ENTREP2: variants seen among roughly 807,000 people sequenced by gnomAD.
ENTREP2 encodes endosomal transmembrane epsin interactor 2.
chr15:29,630,993 TTA>T, the ENTREP2 span, among the ~76,000 whole-genome samples: 2 of 152,220 alleles, frequency 1.3e-5, no homozygotes, highest in Admixed American at 1.3e-4. Context: ...TGAGTAAATT[TTA>T]TTTCTCTATT....
the ENTREP2 span, chr15:29,233,705 T>G: frequency 4.0e-6 from 5 of 1,263,592 alleles, no homozygotes; most frequent in South Asian, 6.0e-5. Context: ...CGCACTCTGT[T>G]GCTCATCAAG....
the ENTREP2 span, chr15:29,123,384 G>A: frequency 5.8e-6 from 9 of 1,545,268 alleles, no homozygotes; most frequent in South Asian, 9.5e-5. Context: ...CCTCCTCCTC[G>A]AGGCGCTCCT....
chr15:29,493,125 CTTTTTTTTTTTT>C, the ENTREP2 span, among the ~76,000 whole-genome samples: 1 of 84,774 alleles, frequency 1.2e-5, no homozygotes. Flanking sequence ...CCTGACAACC[CTTTTTTTTTTTT>C]TTTTTTTTTT....
At chr15:29,548,442 G>A in the ENTREP2 span, among the ~76,000 whole-genome samples, 8 of 108,744 alleles carry the variant, frequency 7.4e-5, no homozygotes, top group African/African-American at 2.2e-4. Flanking sequence ...GCAAGAGAGC[G>A]AGATTCTGCC....
At chr15:29,279,338 A>C in the ENTREP2 span, among the ~76,000 whole-genome samples, 1 of 151,502 alleles carries the variant, frequency 6.6e-6, no homozygotes, top group Non-Finnish European at 1.5e-5. Context: ...TTTGAGAATC[A>C]GCTTGTTTAT....
chr15:29,534,189 G>A, the ENTREP2 span, among the ~76,000 whole-genome samples: 1 of 151,524 alleles, frequency 6.6e-6, no homozygotes, highest in Non-Finnish European at 1.5e-5. Flanking sequence ...ACCGGAACGT[G>A]GGAGCCAACC....
the ENTREP2 span, among the ~76,000 whole-genome samples, chr15:29,189,141 C>T: frequency 6.6e-6 from 1 of 152,208 alleles, no homozygotes; most frequent in African/African-American, 2.4e-5. Context: ...GTTGTGGAAG[C>T]CCCAGTTTAT....
chr15:29,141,526 T>G, the ENTREP2 span, among the ~76,000 whole-genome samples: 1 of 152,170 alleles, frequency 6.6e-6, no homozygotes, highest in Non-Finnish European at 1.5e-5. Flanking sequence ...ACCGTGGAGC[T>G]CTGAGCTGCC....
At chr15:29,385,582 G>A in the ENTREP2 span, among the ~76,000 whole-genome samples, 2 of 152,212 alleles carry the variant, frequency 1.3e-5, no homozygotes, top group Non-Finnish European at 2.9e-5. Flanking sequence ...ATGATGGGCT[G>A]TCACTCTTGT....
chr15:29,131,190 C>T, the ENTREP2 span, among the ~76,000 whole-genome samples: 1 of 152,102 alleles, frequency 6.6e-6, no homozygotes, highest in Non-Finnish European at 1.5e-5. Context: ...TCGTTTGGGG[C>T]AATTCCAGCG....
chr15:29,574,598 C>T, the ENTREP2 span, among the ~76,000 whole-genome samples: 1 of 152,184 alleles, frequency 6.6e-6, no homozygotes, highest in Admixed American at 6.5e-5. Flanking sequence ...CGGCCAAGAC[C>T]ATTGTTCTTA....
chr15:29,595,597 C>G, the ENTREP2 span, among the ~76,000 whole-genome samples: 1 of 152,128 alleles, frequency 6.6e-6, no homozygotes, highest in Non-Finnish European at 1.5e-5. Context: ...TATCTAAAGT[C>G]TTATCTATGC....
the ENTREP2 span, among the ~76,000 whole-genome samples, chr15:29,486,744 T>A: frequency 8.6e-5 from 13 of 152,020 alleles, no homozygotes; most frequent in Non-Finnish European, 1.5e-4. Flanking sequence ...GCAACACAGA[T>A]CAGCCTGAAG....
the ENTREP2 span, among the ~76,000 whole-genome samples, chr15:29,517,709 G>A: frequency 6.6e-5 from 10 of 152,070 alleles, no homozygotes; most frequent in Non-Finnish European, 1.3e-4. Context: ...GCGTGATGTC[G>A]AAGTCCCGCT....
chr15:29,559,792 C>T, the ENTREP2 span, among the ~76,000 whole-genome samples: 1 of 152,178 alleles, frequency 6.6e-6, no homozygotes, highest in Non-Finnish European at 1.5e-5. Context: ...TCTCAAGATC[C>T]TTAACCGAAT....
chr15:29,363,288 T>C, the ENTREP2 span, among the ~76,000 whole-genome samples: 1 of 152,214 alleles, frequency 6.6e-6, no homozygotes, highest in African/African-American at 2.4e-5. Context: ...AACTCACCTA[T>C]ATTTTTAATA....
chr15:29,173,952 A>T, the ENTREP2 span, among the ~76,000 whole-genome samples: 2 of 151,810 alleles, frequency 1.3e-5, no homozygotes, highest in African/African-American at 4.8e-5. Flanking sequence ...GCCAAAAAAA[A>T]AAAAAAAGCC....
At chr15:29,224,055 A>C in the ENTREP2 span, among the ~76,000 whole-genome samples, 3 of 152,090 alleles carry the variant, frequency 2.0e-5, no homozygotes, top group Non-Finnish European at 1.5e-5. Flanking sequence ...CCTCACACTG[A>C]GTGTTACAGT....
At chr15:29,225,817 TG>T in the ENTREP2 span, among the ~76,000 whole-genome samples, 1 of 152,218 alleles carries the variant, frequency 6.6e-6, no homozygotes, top group Non-Finnish European at 1.5e-5. Flanking sequence ...CTCCGGGCCT[TG>T]TCCCCAACCA....
Sources: gnomAD v4.1 joint callset for allele counts (sites outside exome capture counted in the v4.1 genomes callset) on GRCh38, gnomAD v4.1.1 for gene constraint, MANE v1.5 for transcripts, NCBI Gene and HGNC (gene_info 2026-07-23, HGNC 2026-07-21) for gene names.